Variants in ZNF385B observed in about 807,000 individuals in gnomAD.
The protein encoded by ZNF385B is zinc finger protein 385B.
Under a neutral mutation model 39.2 loss-of-function variants are expected in ZNF385B, and 23 were observed. The observed-to-expected ratio is 0.59, with a 90% CI of 0.42 to 0.83. ZNF385B has a LOEUF of 0.83. Among genes scored for constraint, ZNF385B ranks in the 40% least tolerant of loss-of-function variants. ZNF385B has a pLI of 0.00. For missense variants in ZNF385B, 552 were observed against 598.9 expected, an observed-to-expected ratio of 0.92 and a Z score of 0.82; for synonymous variants, 205 against 222.6, an observed-to-expected ratio of 0.92 and a Z score of 0.70.
Position 179,444,977 on chromosome 2 carries a change from G to C in ZNF385B, c.1141C>G (p.His381Asp). Reference sequence around the variant, plus strand: ...TCTTTATGCCTTCGGCTAGAAATGTGCTGAAAAAGTTTGATGCATTAGCTG... The same window carrying C: ...TCTTTATGCCTTCGGCTAGAAATGTCCTGAAAAAGTTTGATGCATTAGCTG... ...HVNSEIQLKQ[H>D]ISSRRHKDRV... Residue 381 changes from histidine (H) to aspartate (D), a missense_variant and splice_region_variant, in exon 9 of 10, where the codon CAC (histidine) becomes GAC (aspartate). Transcript: ENST00000410066. The C allele has an allele frequency of 6.2e-7, 1 of 1,613,872 alleles. No homozygotes were observed. Among genetic ancestry groups the C allele is most frequent in the Non-Finnish European group, 8.5e-7 (1 of 1,179,802 alleles).
At chr2:179,757,892 C>G (rs1019114953) in intron 3 of ZNF385B, among the ~76,000 whole-genome samples, 2 of 152,118 alleles carry the variant, frequency 1.3e-5, no homozygotes, top group Admixed American at 1.3e-4. Context: ...AGGGAATTCC[C>G]TGACCCCTTG....
At chr2:179,588,310 A>G (rs547908985) in intron 3 of ZNF385B, among the ~76,000 whole-genome samples, 63 of 152,136 alleles carry the variant, frequency 4.1e-4, no homozygotes, top group Admixed American at 2.9e-3. Flanking sequence ...GCATGGTCTC[A>G]ATCTCCTGAC....
chr2:179,602,822 AC>A (rs945192638), intron 3 of ZNF385B, among the ~76,000 whole-genome samples: 96 of 152,286 alleles, frequency 6.3e-4, no homozygotes, highest in African/African-American at 2.2e-3. Flanking sequence ...ACGGGAACAA[AC>A]ATTACATACT....
intron 3 of ZNF385B, among the ~76,000 whole-genome samples, chr2:179,755,106 T>C (rs1184644401): frequency 2.6e-5 from 4 of 152,194 alleles, no homozygotes; most frequent in Non-Finnish European, 2.9e-5. Context: ...GCTTTAAATG[T>C]GTCCCAGAGA....
intron 3 of ZNF385B, among the ~76,000 whole-genome samples, chr2:179,673,743 C>T (rs113544975): frequency 2.0e-5 from 3 of 152,138 alleles, no homozygotes; most frequent in African/African-American, 7.2e-5. Flanking sequence ...TCACTGCCAA[C>T]AATTAAGTGG....
intron 4 of ZNF385B, among the ~76,000 whole-genome samples, chr2:179,519,874 C>T (rs561769282): frequency 1.3e-5 from 2 of 152,162 alleles, no homozygotes; most frequent in South Asian, 4.2e-4. Flanking sequence ...CGACAAAATG[C>T]AAAATTAGCC....
At chr2:179,841,401 A>G (rs1708527536) in intron 1 of ZNF385B, among the ~76,000 whole-genome samples, 1 of 152,226 alleles carries the variant, frequency 6.6e-6, no homozygotes, top group South Asian at 2.1e-4. Flanking sequence ...CAGAAACCCC[A>G]GGATGGTTTG....
chr2:179,518,413 G>C, intron 5 of ZNF385B, 115 bp downstream of exon 5: 2 of 734,290 alleles, frequency 2.7e-6, no homozygotes, highest in African/African-American at 1.9e-5. Context: ...AAATTAGTGG[G>C]CTACCAATAG....
chr2:179,542,516 ATAAG>A (rs1184932971), intron 4 of ZNF385B, among the ~76,000 whole-genome samples: 57 of 152,324 alleles, frequency 3.7e-4, no homozygotes, highest in African/African-American at 1.3e-3. Context: ...CAAATATATC[ATAAG>A]ATTAATTGCT....
At chr2:179,592,329 A>G (rs1049957805) in intron 3 of ZNF385B, among the ~76,000 whole-genome samples, 1 of 152,218 alleles carries the variant, frequency 6.6e-6, no homozygotes, top group Non-Finnish European at 1.5e-5. Flanking sequence ...CCATTTTTAT[A>G]ACTCATAAGT....
chr2:179,802,791 A>T (rs564423569), intron 1 of ZNF385B: 1 of 152,252 alleles, frequency 6.6e-6, no homozygotes, highest in African/African-American at 2.4e-5. Flanking sequence ...GTCCCAGAGA[A>T]GGAGTGTTCT....
chr2:179,788,509 G>A (rs1705138612), intron 1 of ZNF385B, among the ~76,000 whole-genome samples: 1 of 152,108 alleles, frequency 6.6e-6, no homozygotes, highest in Admixed American at 6.6e-5. Flanking sequence ...GACTAAAAGT[G>A]GGCAGCTTTG....
intron 3 of ZNF385B, among the ~76,000 whole-genome samples, chr2:179,714,472 T>A (rs75553425): frequency 1.2e-3 from 189 of 152,168 alleles, no homozygotes; most frequent in African/African-American, 4.5e-3. Context: ...ACAAAGGAGA[T>A]AGGTTAGGAA....
At chr2:179,811,007 T>A (rs1706699603) in intron 1 of ZNF385B, among the ~76,000 whole-genome samples, 1 of 151,994 alleles carries the variant, frequency 6.6e-6, no homozygotes, top group African/African-American at 2.4e-5. Flanking sequence ...TTTCTATACA[T>A]CAATAATGTT....
chr2:179,707,386 C>A (rs1214502328), intron 3 of ZNF385B, among the ~76,000 whole-genome samples: 1 of 152,194 alleles, frequency 6.6e-6, no homozygotes, highest in African/African-American at 2.4e-5. Flanking sequence ...GACCAGCCAT[C>A]CCCCTCTTAG....
At chr2:179,844,788 T>A (rs1708716682) in intron 1 of ZNF385B, among the ~76,000 whole-genome samples, 1 of 152,210 alleles carries the variant, frequency 6.6e-6, no homozygotes, top group South Asian at 2.1e-4. Context: ...ACACTACTTA[T>A]ATCAAGCTCT....
At chr2:179,616,843 G>A (rs1689791135) in intron 3 of ZNF385B, among the ~76,000 whole-genome samples, 1 of 152,104 alleles carries the variant, frequency 6.6e-6, no homozygotes, top group South Asian at 2.1e-4. Flanking sequence ...TTATAGGCGT[G>A]AGCCACCGCA....
intron 1 of ZNF385B, among the ~76,000 whole-genome samples, chr2:179,777,161 T>C (rs953086762): frequency 1.3e-5 from 2 of 151,724 alleles, no homozygotes; most frequent in African/African-American, 2.4e-5. Context: ...GTTATGATCA[T>C]ATACAAATAG....
intron 3 of ZNF385B, among the ~76,000 whole-genome samples, chr2:179,665,450 A>G (rs1313921757): frequency 6.6e-6 from 1 of 152,222 alleles, no homozygotes; most frequent in African/African-American, 2.4e-5. Context: ...CTACGGTGAC[A>G]ATGCCATTTC....
Sources: allele counts gnomAD v4.1 joint callset (sites outside exome capture counted in the v4.1 genomes callset), GRCh38; gene constraint gnomAD v4.1.1; transcripts MANE v1.5; gene names NCBI Gene and HGNC (gene_info 2026-07-23, HGNC 2026-07-21).